COL28A1: variants seen among roughly 807,000 people sequenced by gnomAD.
The protein encoded by COL28A1 is collagen alpha-1(XXVIII) chain.
COL28A1 carries 161 observed loss-of-function variants against 150.2 expected under a neutral mutation model. That is an observed-to-expected ratio of 1.07 (90% CI 0.94 to 1.22). The LOEUF is 1.22. Among genes scored for constraint, COL28A1 ranks in the 50% most tolerant of loss-of-function variants. COL28A1 has a pLI of 0.00. For missense variants in COL28A1, 1,617 were observed against 1,388.3 expected (o/e 1.16, Z -2.62); for synonymous variants, 552 against 469.7 (o/e 1.18, Z -2.26).
chr7:7,432,025 A>T lies in COL28A1; in HGVS notation c.1998+448T>A, dbSNP rs367668727. ...AGGATCTTATTTTGGATTATTTTAA[A>T]TTAGAGATGTTTGTGAGAAGCCCAA... On this transcript the variant is annotated intron_variant, in intron 25 of 34. Coordinates refer to ENST00000399429, the MANE Select transcript of COL28A1 (RefSeq NM_001037763.3). Among the ~76,000 whole-genome samples the T allele has an allele frequency of 8.5e-5, 13 of 152,314 alleles. No homozygotes were observed. The South Asian group carries it at 1.0e-3, about 12-fold the overall frequency.
intron 27 of COL28A1, among the ~76,000 whole-genome samples, chr7:7,405,834 T>C (rs1208304939): frequency 6.6e-6 from 1 of 152,040 alleles, no homozygotes; most frequent in East Asian, 1.9e-4. Context: ...AATGATGGAG[T>C]AAGGCTCCTC....
chr7:7,477,158 A>G lies in COL28A1; in HGVS notation c.1187T>C (p.Val396Ala). ...GQPGPRGPEG[V>A]PGERGLPGEG... The stretch of plus-strand genomic sequence containing the variant: ...TCCGGGTAAGCCCCTCTCTCCTGGT[A>G]CTCCCTCAGGACCACGGGGACCCTG... The change falls in exon 14 of 35, where the codon GTA (valine) becomes GCA (alanine). Residue 396 changes from valine (V) to alanine (A), a missense_variant. Transcript: ENST00000399429. 2 of 1,325,292 alleles carry G rather than the reference A, an allele frequency of 1.5e-6. No homozygotes were observed. The highest frequency in any genetic ancestry group is 2.2e-6 in the Non-Finnish European group (2 of 916,108). 82.1% of individuals were successfully genotyped at this position (1,325,292 alleles called of 1,614,324 possible).
At chr7:7,361,835 T>A (rs1325359618) in intron 33 of COL28A1, among the ~76,000 whole-genome samples, 1 of 110,154 alleles carries the variant, frequency 9.1e-6, no homozygotes, top group East Asian at 2.9e-4. Flanking sequence ...ATATACACCA[T>A]GGAATACTAT....
chr7:7,458,593 A>G (rs1428009940), intron 15 of COL28A1, among the ~76,000 whole-genome samples: 6 of 152,322 alleles, frequency 3.9e-5, no homozygotes, highest in Non-Finnish European at 8.8e-5. Context: ...ATATTACGGA[A>G]GGAAAACATA....
intron 27 of COL28A1, among the ~76,000 whole-genome samples, chr7:7,382,512 A>C (rs1269503417): frequency 6.6e-6 from 1 of 152,116 alleles, no homozygotes; most frequent in African/African-American, 2.4e-5. Context: ...GCCCCACCCA[A>C]ACCACACAGT....
intron 27 of COL28A1, among the ~76,000 whole-genome samples, chr7:7,398,656 A>G (rs988379459): frequency 1.3e-5 from 2 of 152,194 alleles, no homozygotes; most frequent in Admixed American, 1.3e-4. Flanking sequence ...CTGCCCTCCT[A>G]TCTAAACAGC....
chr7:7,378,697 T>C (rs1249412528), intron 30 of COL28A1, among the ~76,000 whole-genome samples: 1 of 152,124 alleles, frequency 6.6e-6, no homozygotes, highest in Non-Finnish European at 1.5e-5. Context: ...CCTCTAGCTA[T>C]AAGGGCTCTG....
rs1209537263 is a variant in COL28A1 at position 7,531,359 on chromosome 7, G to C, written c.670C>G (p.Gln224Glu). 4.1e-6 allele frequency: 6 copies of C among 1,478,696 alleles called. No individual in the cohort carries two copies. Among genetic ancestry groups the C allele is most frequent in the Admixed American group, 1.9e-5 (1 of 51,472 alleles). 91.6% of individuals were successfully genotyped at this position (1,478,696 alleles called of 1,614,324 possible). A position where few individuals can be genotyped will look rare whatever the true frequency, so the allele number is the denominator to read the frequency against. ...LSDPTLVDKI[Q>E]DRLDILFEKK... is the part of the protein sequence containing the mutation. ...CATTAGGTACCTACCAGACGATCTT[G>C]AATTTTATCTACAAGGGTTGGATCA... The change falls in exon 3 of 35, where the codon CAA becomes GAA. Residue 224 changes from glutamine (Q) to glutamate (E), a missense_variant. Physicochemically the swap from Gln to Glu is conservative, Grantham distance 29. Coordinates refer to ENST00000399429, the MANE Select transcript of COL28A1 (RefSeq NM_001037763.3).
intron 1 of COL28A1, among the ~76,000 whole-genome samples, chr7:7,535,211 A>G (rs1221044126): frequency 6.6e-6 from 1 of 152,172 alleles, no homozygotes; most frequent in African/African-American, 2.4e-5. Flanking sequence ...TTAATCAAAT[A>G]CCGTAGTTTT....
intron 27 of COL28A1, among the ~76,000 whole-genome samples, chr7:7,416,822 C>G (rs995114921): frequency 6.6e-6 from 1 of 152,148 alleles, no homozygotes; most frequent in African/African-American, 2.4e-5. Flanking sequence ...CAGAAGTAGG[C>G]AGTTTAATTT....
intron 17 of COL28A1, among the ~76,000 whole-genome samples, chr7:7,452,963 T>G (rs969841101): frequency 2.6e-5 from 4 of 152,218 alleles, no homozygotes; most frequent in African/African-American, 4.8e-5. Context: ...ATAAGTGCCA[T>G]GCTCCTCCTC....
At position 7,437,378 on chromosome 7, in the gene COL28A1, C is replaced by A. The variant is rs1466127572; in HGVS notation, c.1791+16G>T. ...AAAGGGTCAAGAAAAAGAAAATAAT[C>A]TCCAAGAATATATACCTTTGGCCCA... On this transcript the variant is annotated intron_variant, in intron 22 of 34. Coordinates refer to ENST00000399429, the MANE Select transcript of COL28A1 (RefSeq NM_001037763.3). The A allele has an allele frequency of 6.2e-7, 1 of 1,601,960 alleles. No homozygotes were observed. Among genetic ancestry groups the A allele is most frequent in the South Asian group, 1.1e-5 (1 of 87,482 alleles).
rs1783750131 is a variant in COL28A1 at position 7,410,835 on chromosome 7, G to A, written c.2136+7024C>T. Among the ~76,000 whole-genome samples, 3 of 152,242 alleles carry A rather than the reference G, an allele frequency of 2.0e-5. No individual in the cohort carries two copies. The South Asian group carries it at 6.2e-4, about 32-fold the overall frequency. On this transcript the variant is annotated intron_variant, in intron 27 of 34. Transcript: ENST00000399429. ...CATGTCAATACTTTTTAACCCTTCTGCAGGTACTTACAACTTAGTGTACTT... is the reference window on the plus strand; with the variant it reads ...CATGTCAATACTTTTTAACCCTTCTACAGGTACTTACAACTTAGTGTACTT...
chr7:7,374,038 A>AAAAAAAAAAAAATATAT, intron 31 of COL28A1, among the ~76,000 whole-genome samples: 16 of 113,620 alleles, frequency 1.4e-4, no homozygotes, highest in African/African-American at 5.7e-4. Context: ...AAAAAAAAAA[A>AAAAAAAAAAAAATATAT]ATATATATAT....
intron 27 of COL28A1, among the ~76,000 whole-genome samples, chr7:7,382,487 T>C (rs1781926896): frequency 6.6e-6 from 1 of 152,160 alleles, no homozygotes; most frequent in South Asian, 2.1e-4. Context: ...CCATCACATT[T>C]TAACATTATT....
chr7:7,504,486 C>G (rs1354579947), intron 11 of COL28A1, among the ~76,000 whole-genome samples: 2 of 152,046 alleles, frequency 1.3e-5, no homozygotes, highest in Non-Finnish European at 2.9e-5. Flanking sequence ...GGGAACAGAG[C>G]AACATCCTAT....
At chr7:7,539,573 G>T (rs1375452850), upstream of COL28A1, among the ~76,000 whole-genome samples, 1 of 152,048 alleles carries the variant, frequency 6.6e-6, no homozygotes, top group Admixed American at 6.6e-5. Context: ...AAACTGTATT[G>T]GTCTTATTTG....
At chr7:7,463,418 C>A (rs1192277617) in intron 15 of COL28A1, among the ~76,000 whole-genome samples, 1 of 152,130 alleles carries the variant, frequency 6.6e-6, no homozygotes, top group Admixed American at 6.5e-5. Context: ...CTGTTGAAAT[C>A]TTTCCTGTAT....
the COL28A1 span, among the ~76,000 whole-genome samples, chr7:7,349,288 C>T: frequency 6.6e-6 from 1 of 152,042 alleles, no homozygotes; most frequent in Non-Finnish European, 1.5e-5. Flanking sequence ...GCCCAGAATA[C>T]GTAGTCTATC....
Sources: gnomAD v4.1 joint callset for allele counts (sites outside exome capture counted in the v4.1 genomes callset) on GRCh38, gnomAD v4.1.1 for gene constraint, MANE v1.5 for transcripts, NCBI Gene and HGNC (gene_info 2026-07-23, HGNC 2026-07-21) for gene names.